Variants in PSMG4 observed in about 807,000 individuals in gnomAD.
PSMG4 encodes proteasome (prosome, macropain) assembly chaperone 4.
A neutral mutation model predicts 11.0 loss-of-function variants in PSMG4; 10 were observed. The ratio of observed to expected loss-of-function variants is 0.91; its 90% CI spans 0.56 to 1.54. The LOEUF (loss-of-function observed/expected upper bound fraction) is 1.54. Among genes scored for constraint, PSMG4 ranks in the 40% most tolerant of loss-of-function variants. PSMG4 has a pLI of 0.00. For missense variants in PSMG4, 198 were observed against 160.9 expected, an observed-to-expected ratio of 1.23 and a Z score of -1.25; for synonymous variants, 95 against 71.3, an observed-to-expected ratio of 1.33 and a Z score of -1.68.
At chr6:3,260,291 A>ATATTT in intron 1 of PSMG4, among the ~76,000 whole-genome samples, 6 of 70,846 alleles carry the variant, frequency 8.5e-5, no homozygotes, top group African/African-American at 2.7e-4. Flanking sequence ...ATATATATAT[A>ATATTT]TTTTTTTTTT....
rs1758156580 is a variant in PSMG4 at position 3,265,680 on chromosome 6, T to G, written c.251-1911T>G. On this transcript the variant is annotated intron_variant, in intron 2 of 2. Coordinates refer to ENST00000438998, the MANE Select transcript of PSMG4 (RefSeq NM_001128591.2). ...GCCTTTAGATCACCCTCTACATGAG[T>G]GGTCCCAGCCTGCCTAACACAGCTA... 2.0e-5 allele frequency: 3 copies of G among 152,290 alleles called. No homozygotes were observed. In the Middle Eastern group the frequency reaches 0.01, roughly 514 times the overall value. 9.4% of individuals were successfully genotyped at this position (152,290 alleles called of 1,614,324 possible).
upstream of PSMG4, among the ~76,000 whole-genome samples, chr6:3,254,481 T>C (rs990551073): frequency 3.3e-5 from 5 of 152,264 alleles, no homozygotes; most frequent in South Asian, 2.1e-4. Context: ...AGATAAATAT[T>C]GTTGCTGGTG....
chr6:3,261,401 C>G (rs1458616013), intron 1 of PSMG4, among the ~76,000 whole-genome samples: 1 of 152,058 alleles, frequency 6.6e-6, no homozygotes, highest in Admixed American at 6.6e-5. Context: ...GGGCACTGGT[C>G]AGATCTGGTG....
At chr6:3,254,796 T>C (rs190824458), upstream of PSMG4, among the ~76,000 whole-genome samples, 371 of 152,074 alleles carry the variant, frequency 2.4e-3, 1 homozygote, top group East Asian at 0.023. Context: ...ATGCTTGGGG[T>C]CAGAGCAACA....
upstream of PSMG4, among the ~76,000 whole-genome samples, chr6:3,254,571 G>A (rs751488193): frequency 7.9e-5 from 12 of 152,132 alleles, no homozygotes; most frequent in Admixed American, 2.6e-4. Context: ...GGTTTGTGAG[G>A]CTGGGAACCC....
In PSMG4 at chr6:3,260,291, ATTTTT is replaced by A. The variant is rs869076629; in HGVS notation, c.174+1109_174+1113del. Among the ~76,000 whole-genome samples the A allele has an allele frequency of 5.2e-4, 37 of 70,838 alleles. 1 individual carries two copies. Among genetic ancestry groups the A allele is most frequent in the Non-Finnish European group, 7.8e-4 (31 of 39,606 alleles). 46.5% of individuals were successfully genotyped at this position (70,838 alleles called of 152,430 possible). A position where few individuals can be genotyped will look rare whatever the true frequency, so the allele number is the denominator to read the frequency against. On this transcript the variant is annotated intron_variant, in intron 1 of 2. Coordinates refer to ENST00000438998, the MANE Select transcript of PSMG4 (RefSeq NM_001128591.2). The stretch of plus-strand genomic sequence containing the variant: ...TGTCTTAAATTGTATATATATATAT[ATTTTT>A]TTTTTTTTTTTTTGAAGCAAAGTCT...
At chr6:3,263,959 C>T (rs1238913038) in intron 2 of PSMG4, 200 bp downstream of exon 2, 8 of 1,364,588 alleles carry the variant, frequency 5.9e-6, no homozygotes, top group Non-Finnish European at 5.8e-6. Flanking sequence ...ACCACCGTCC[C>T]AGGGCTGGCC....
chr6:3,258,934 T>G, upstream of PSMG4: 1 of 1,179,938 alleles, frequency 8.5e-7, no homozygotes. Context: ...GCGCGCTCGG[T>G]CTCTCGGTGC....
chr6:3,255,030 G>C (rs533880278), upstream of PSMG4: 4 of 1,549,196 alleles, frequency 2.6e-6, no homozygotes, highest in African/African-American at 5.5e-5. Context: ...GGATAATGGC[G>C]CTTTCTGATT....
rs535243156 is a variant in PSMG4, at chr6:3,267,822, TTAA to T, written c.*112_*114del. ...GCGCTCCCGTTTTGTTTTTAAGGGGTTAATCTTTTGAGCTTCCTTCTCAGCAGT... is the reference window on the plus strand; with the variant it reads ...GCGCTCCCGTTTTGTTTTTAAGGGGTTCTTTTGAGCTTCCTTCTCAGCAGT... On this transcript the variant is annotated 3_prime_UTR_variant, in exon 3 of 3. Transcript: ENST00000438998. 67 of 1,175,440 alleles carry T rather than the reference TTAA, an allele frequency of 5.7e-5. No homozygotes were observed. The highest frequency in any genetic ancestry group is 7.6e-5 in the Non-Finnish European group (64 of 842,126). 72.8% of individuals were successfully genotyped at this position (1,175,440 alleles called of 1,614,324 possible).
chr6:3,259,858 C>T (rs999445064), intron 1 of PSMG4, among the ~76,000 whole-genome samples: 1 of 152,208 alleles, frequency 6.6e-6, no homozygotes, highest in African/African-American at 2.4e-5. Flanking sequence ...TCCGGCTTTG[C>T]GTGTCGCCGC....
At chr6:3,263,578 A>G (rs898206412) in intron 1 of PSMG4, 106 bp from the exon 2 acceptor site, 10 of 988,766 alleles carry the variant, frequency 1.0e-5, no homozygotes, top group Non-Finnish European at 1.4e-5. Flanking sequence ...TCCTCTCTGA[A>G]CCTGCCACTG....
At chr6:3,259,270 C>G in intron 1 of PSMG4, 74 bp downstream of exon 1, 3 of 1,181,714 alleles carry the variant, frequency 2.5e-6, no homozygotes, top group Non-Finnish European at 3.2e-6. Flanking sequence ...CGAGCTGCAG[C>G]CCCCCAGGCT....
At chr6:3,261,884 A>G (rs569401452) in intron 1 of PSMG4, among the ~76,000 whole-genome samples, 121 of 152,310 alleles carry the variant, frequency 7.9e-4, no homozygotes, top group Admixed American at 1.6e-3. Context: ...TGTAATCCAT[A>G]AAGCCTGAAC....
chr6:3,255,060 C>T (rs540600316), upstream of PSMG4: 5 of 1,550,918 alleles, frequency 3.2e-6, no homozygotes, highest in East Asian at 2.4e-5. Flanking sequence ...GGAACAAACA[C>T]ACTTGGAATA....
intron 1 of PSMG4, among the ~76,000 whole-genome samples, chr6:3,261,368 C>T (rs1757984798): frequency 6.6e-6 from 1 of 152,106 alleles, no homozygotes; most frequent in South Asian, 2.1e-4. Context: ...CTCTTTATCC[C>T]AAGGCATAGT....
intron 2 of PSMG4, chr6:3,266,389 C>A (rs979854701): frequency 6.6e-6 from 1 of 152,186 alleles, no homozygotes; most frequent in African/African-American, 2.4e-5. Flanking sequence ...CCTCACCGCA[C>A]CACCCTTTTG....
At chr6:3,261,165 G>T (rs1401295468) in intron 1 of PSMG4, among the ~76,000 whole-genome samples, 1 of 152,256 alleles carries the variant, frequency 6.6e-6, no homozygotes, top group Non-Finnish European at 1.5e-5. Context: ...GCTGTGCACA[G>T]CGGCACCTGG....
At chr6:3,257,003 G>T (rs143498100), upstream of PSMG4, among the ~76,000 whole-genome samples, 2 of 152,328 alleles carry the variant, frequency 1.3e-5, no homozygotes, top group East Asian at 3.9e-4. Context: ...CAGGTGGATG[G>T]ATTGACCTTC....
Sources: allele counts gnomAD v4.1 joint callset (sites outside exome capture counted in the v4.1 genomes callset), GRCh38; gene constraint gnomAD v4.1.1; transcripts MANE v1.5; gene names NCBI Gene and HGNC (gene_info 2026-07-23, HGNC 2026-07-21).